ANKRD26: variants seen among roughly 807,000 people sequenced by gnomAD.
ANKRD26 encodes ankyrin repeat domain 26.
Under a neutral mutation model 208.7 loss-of-function variants are expected in ANKRD26, and 141 were observed. That is an observed-to-expected ratio of 0.68 (90% CI 0.59 to 0.78). The LOEUF (loss-of-function observed/expected upper bound fraction) is 0.78, where lower values mean the gene tolerates loss of function less well. Among genes scored for constraint, ANKRD26 ranks in the 30% least tolerant of loss-of-function variants. The probability of loss-of-function intolerance (pLI) is 0.00; values close to 1 mark genes in which losing one functional copy is unlikely to be tolerated. For synonymous variants in ANKRD26, 636 were observed against 660.4 expected (o/e 0.96, Z 0.57); for missense variants, 1,889 against 1,938.7 (o/e 0.97, Z 0.48).
chr10:27,081,953 G>C (rs1479698724), intron 6 of ANKRD26, among the ~76,000 whole-genome samples: 1 of 151,254 alleles, frequency 6.6e-6, no homozygotes. Context: ...AGCCAGGCTG[G>C]TCTCGATCTC....
At chr10:27,062,522 C>T (rs1157286436) in intron 12 of ANKRD26, among the ~76,000 whole-genome samples, 1 of 152,200 alleles carries the variant, frequency 6.6e-6, no homozygotes, top group Non-Finnish European at 1.5e-5. Flanking sequence ...TTTTAAGAAG[C>T]TCTGGTCCAT....
downstream of ANKRD26, among the ~76,000 whole-genome samples, chr10:27,003,747 C>T (rs1432796534): frequency 6.6e-6 from 1 of 152,168 alleles, no homozygotes; most frequent in Non-Finnish European, 1.5e-5. Flanking sequence ...TGAGGAAACA[C>T]TGTACAAACC....
chr10:27,017,885 G>GGTGACATTTTA, intron 29 of ANKRD26, 93 bp from the exon 30 acceptor site: 1 of 1,239,220 alleles, frequency 8.1e-7, no homozygotes, highest in Non-Finnish European at 1.1e-6. Context: ...AATAAATTCA[G>GGTGACATTTTA]TTGCAATAAA....
intron 9 of ANKRD26, among the ~76,000 whole-genome samples, chr10:27,071,542 G>C (rs1476628472): frequency 6.6e-6 from 1 of 151,920 alleles, no homozygotes; most frequent in Non-Finnish European, 1.5e-5. Flanking sequence ...TTCCCAAGAT[G>C]ACAGATGGGA....
intron 15 of ANKRD26, among the ~76,000 whole-genome samples, chr10:27,059,182 G>A (rs1185836167): frequency 1.3e-5 from 2 of 152,144 alleles, no homozygotes; most frequent in African/African-American, 4.8e-5. Context: ...CCAAAGTGCT[G>A]GGCTAACAGG....
chr10:27,072,781 G>A (rs2055552260), intron 9 of ANKRD26, among the ~76,000 whole-genome samples: 1 of 152,216 alleles, frequency 6.6e-6, no homozygotes, highest in Non-Finnish European at 1.5e-5. Context: ...TAACCAGGAG[G>A]TCCTGCAACT....
At chr10:26,975,438 T>C (rs1469749299) in exon 6 of ANKRD26, among the ~76,000 whole-genome samples, 1 of 132,870 alleles carries the variant, frequency 7.5e-6, no homozygotes, top group African/African-American at 3.1e-5. Flanking sequence ...TTGAGGTCTC[T>C]CTATGTTGCC....
Position 27,037,277 on chromosome 10 carries a change from T to C in ANKRD26, c.2606A>G (p.Gln869Arg), listed in dbSNP as rs1055400904. Reference sequence around the variant, plus strand: ...TCCATCTTGTAACATTCTGGCATTCTGTTCTCGAGAAAGTTGCCTCTGAGC... The same window carrying C: ...TCCATCTTGTAACATTCTGGCATTCCGTTCTCGAGAAAGTTGCCTCTGAGC... The part of the protein sequence containing the change: ...NDAQRQLSRE[Q>R]NARMLQDGIL... The change falls in exon 23 of 34, where the codon CAG becomes CGG. Residue 869 changes from glutamine (Q) to arginine (R), a missense_variant. Transcript: ENST00000376087. The C allele has an allele frequency of 6.2e-7, 1 of 1,613,944 alleles. No individual in the cohort carries two copies. Among genetic ancestry groups the C allele is most frequent in the South Asian group, 1.1e-5 (1 of 91,076 alleles).
chr10:27,080,539 G>T, intron 6 of ANKRD26: 1 of 749,748 alleles, frequency 1.3e-6, no homozygotes. Context: ...ATCTTTACAG[G>T]CACTCAGATA....
intron 30 of ANKRD26, among the ~76,000 whole-genome samples, chr10:27,016,259 G>C (rs2053287523): frequency 6.6e-6 from 1 of 152,076 alleles, no homozygotes; most frequent in Non-Finnish European, 1.5e-5. Context: ...AAAGTGCTAG[G>C]ATTACAGGTG....
intron 9 of ANKRD26, among the ~76,000 whole-genome samples, chr10:27,075,222 G>C (rs2055653861): frequency 6.6e-6 from 1 of 152,160 alleles, no homozygotes; most frequent in Non-Finnish European, 1.5e-5. Context: ...ACAATGACTG[G>C]AACAGTACCT....
At chr10:27,089,683 T>C (rs1393382242) in intron 4 of ANKRD26, among the ~76,000 whole-genome samples, 1 of 152,198 alleles carries the variant, frequency 6.6e-6, no homozygotes, top group Non-Finnish European at 1.5e-5. Flanking sequence ...TCCCAGCTAC[T>C]TGGGAGGCTG....
intron 12 of ANKRD26, among the ~76,000 whole-genome samples, chr10:27,063,570 C>T (rs111794913): frequency 0.081 from 12,274 of 152,258 alleles, 581 homozygotes; most frequent in African/African-American, 0.13. Context: ...ATCTGCCCGC[C>T]TCGGCCTCCC....
chr10:27,082,167 G>A (rs1209807674), intron 6 of ANKRD26, among the ~76,000 whole-genome samples: 1 of 151,704 alleles, frequency 6.6e-6, no homozygotes, highest in Non-Finnish European at 1.5e-5. Context: ...GAAGTCAGTA[G>A]GTAGAGAAAT....
chr10:27,022,013 C>T (rs1223657685), intron 29 of ANKRD26, among the ~76,000 whole-genome samples: 1 of 152,152 alleles, frequency 6.6e-6, no homozygotes, highest in Non-Finnish European at 1.5e-5. Flanking sequence ...TCTGTTGATA[C>T]TTCCTTTGCT....
chr10:26,963,579 T>C, the ANKRD26 span, among the ~76,000 whole-genome samples: 773 of 152,276 alleles, frequency 5.1e-3, 18 homozygotes, highest in East Asian at 0.026. Context: ...ATTAAGTTAG[T>C]GCACTGCCCT....
Position 27,060,215 on chromosome 10 carries a change from A to T in ANKRD26, c.1564+130T>A, listed in dbSNP as rs554402660. 1,290 of 905,470 alleles carry T rather than the reference A, an allele frequency of 1.4e-3. 6 individuals carry two copies. Among genetic ancestry groups the T allele is most frequent in the East Asian group, 0.013 (514 of 39,314 alleles). 56.1% of individuals were successfully genotyped at this position (905,470 alleles called of 1,614,324 possible). A position where few individuals can be genotyped will look rare whatever the true frequency, so the allele number is the denominator to read the frequency against. On this transcript the variant is annotated intron_variant, in intron 15 of 33. Coordinates refer to ENST00000376087, the MANE Select transcript of ANKRD26 (RefSeq NM_014915.3). ...AAGACTCGGTCTCAATTAAAAAAAA[A>T]TTTTTTTAAATCCTTCCAACAAATT... is the stretch of plus-strand genomic sequence containing the variant.
At chr10:26,993,851 TA>T (rs2052532528) in intron 5 of ANKRD26, among the ~76,000 whole-genome samples, 1 of 152,200 alleles carries the variant, frequency 6.6e-6, no homozygotes, top group African/African-American at 2.4e-5. Context: ...CATCTTTTTA[TA>T]ATCTGTCTGC....
chr10:26,972,637 C>T (rs1285345409), downstream of ANKRD26, among the ~76,000 whole-genome samples: 1 of 144,298 alleles, frequency 6.9e-6, no homozygotes, highest in Admixed American at 7.1e-5. Context: ...GTCGCCCAGG[C>T]TGGAGTGCAG....
Sources: gnomAD v4.1 joint callset for allele counts (sites outside exome capture counted in the v4.1 genomes callset) on GRCh38, gnomAD v4.1.1 for gene constraint, MANE v1.5 for transcripts, NCBI Gene and HGNC (gene_info 2026-07-23, HGNC 2026-07-21) for gene names.